TRPM5: variants seen among roughly 807,000 people sequenced by gnomAD.
TRPM5 encodes transient receptor potential cation channel subfamily M member 5.
TRPM5 carries 121 observed loss-of-function variants against 124.9 expected under a neutral mutation model. That is an observed-to-expected ratio of 0.97 (90% CI 0.84 to 1.13). The LOEUF (loss-of-function observed/expected upper bound fraction) is 1.13. TRPM5 is among the 50% of genes most tolerant of loss of function. The pLI is 0.00. For synonymous variants in TRPM5, 781 were observed against 700.5 expected, an observed-to-expected ratio of 1.11 and a Z score of -1.81; for missense variants, 1,643 against 1,589.1, an observed-to-expected ratio of 1.03 and a Z score of -0.58.
At chr11:2,414,954 C>T (rs1440498976) in exon 10 of TRPM5, 2 of 1,607,358 alleles carry the variant, frequency 1.2e-6, no homozygotes, top group African/African-American at 1.3e-5. Context: ...TGCAGCACGG[C>T]CCACAGGAAC....
chr11:2,435,470 C>T, the TRPM5 span, among the ~76,000 whole-genome samples: 2 of 152,078 alleles, frequency 1.3e-5, no homozygotes, highest in Admixed American at 1.3e-4. The surrounding 1 kb of genome is among the most constrained non-coding windows in gnomAD (Gnocchi z 4.1). Flanking sequence ...ACCTGTCATT[C>T]ACCCATGCAC....
upstream of TRPM5, among the ~76,000 whole-genome samples, chr11:2,423,325 C>A (rs1376773417): frequency 1.3e-5 from 2 of 152,226 alleles, no homozygotes; most frequent in Non-Finnish European, 2.9e-5. Context: ...GCTGTCAGCG[C>A]CTGGTTCCTC....
chr11:2,422,089 G>A (rs1166194980), intron 2 of TRPM5, 52 bp downstream of exon 7: 5 of 1,517,322 alleles, frequency 3.3e-6, no homozygotes, highest in South Asian at 2.5e-5. Flanking sequence ...CAGTCAGGGG[G>A]TCGGGCTGCC....
At chr11:2,414,652 G>T (rs942564328) in intron 11 of TRPM5, 63 bp downstream of exon 16, 1 of 1,475,794 alleles carries the variant, frequency 6.8e-7, no homozygotes. Context: ...AGGACCCTTC[G>T]TCCGACCCCT....
At chr11:2,417,403 C>T (rs1222575541) in intron 7 of TRPM5, among the ~76,000 whole-genome samples, 1 of 152,114 alleles carries the variant, frequency 6.6e-6, no homozygotes, top group African/African-American at 2.4e-5. Flanking sequence ...TGCAGTGAGC[C>T]GAGATCGCAG....
chr11:2,429,890 TG>T, the TRPM5 span, among the ~76,000 whole-genome samples: 1 of 152,084 alleles, frequency 6.6e-6, no homozygotes, highest in Non-Finnish European at 1.5e-5. The surrounding 1 kb of genome is among the most constrained non-coding windows in gnomAD (Gnocchi z 8.4). Context: ...CTCATGATAG[TG>T]AGTGAGTTCT....
the TRPM5 span, among the ~76,000 whole-genome samples, chr11:2,433,331 G>A: frequency 5.9e-5 from 9 of 152,268 alleles, no homozygotes; most frequent in Non-Finnish European, 1.0e-4. Flanking sequence ...GGTGCTTGGC[G>A]ATCAGACAGC....
the TRPM5 span, among the ~76,000 whole-genome samples, chr11:2,430,710 TTGG>T: frequency 2.2e-3 from 199 of 91,722 alleles, 2 homozygotes; most frequent in Non-Finnish European, 1.7e-3. Flanking sequence ...GGTGTTGGTG[TTGG>T]TGGTGGTTTT....
At chr11:2,409,089 G>A (rs1475856442) in intron 18 of TRPM5, among the ~76,000 whole-genome samples, 2 of 149,924 alleles carry the variant, frequency 1.3e-5, no homozygotes. Context: ...CCCTCCTAGG[G>A]TGAATTCCTG....
At chr11:2,415,639 C>G (rs980533499) in intron 8 of TRPM5, among the ~76,000 whole-genome samples, 168 bp from the exon 14 acceptor site, 3 of 152,218 alleles carry the variant, frequency 2.0e-5, no homozygotes, top group Admixed American at 1.3e-4. Context: ...TGCATTGGGG[C>G]GGGCACAGAG....
At chr11:2,404,241 G>A (rs1396022281), downstream of TRPM5, among the ~76,000 whole-genome samples, 1 of 152,196 alleles carries the variant, frequency 6.6e-6, no homozygotes, top group African/African-American at 2.4e-5. Flanking sequence ...GCAGTTGGGG[G>A]GCCTGGGCAG....
intron 18 of TRPM5, among the ~76,000 whole-genome samples, chr11:2,410,374 G>C: frequency 6.6e-6 from 1 of 152,136 alleles, no homozygotes; most frequent in East Asian, 1.9e-4. Context: ...TGGGCAGCAC[G>C]TTGTGCCATG....
chr11:2,418,443 C>T, intron 5 of TRPM5, 84 bp downstream of exon 10: 1 of 1,438,132 alleles, frequency 7.0e-7, no homozygotes. Flanking sequence ...CCCATCCCTT[C>T]AGCCCTGTCC....
At chr11:2,417,938 T>G in intron 6 of TRPM5, 109 bp from the exon 12 acceptor site, 1 of 1,157,078 alleles carries the variant, frequency 8.6e-7, no homozygotes, top group Non-Finnish European at 1.2e-6. Flanking sequence ...AGGTGAGCCT[T>G]GCAGCCTGCA....
intron 7 of TRPM5, 108 bp downstream of exon 12, chr11:2,417,619 G>A (rs1422385382): frequency 3.8e-6 from 3 of 790,720 alleles, no homozygotes; most frequent in Non-Finnish European, 6.2e-6. Context: ...CTGGGAAGGG[G>A]CAGGCGGCCG....
chr11:2,411,323 G>A (rs368760275), intron 18 of TRPM5, 29 bp downstream of exon 23: 2 of 1,530,306 alleles, frequency 1.3e-6, no homozygotes, highest in African/African-American at 1.4e-5. Context: ...ATTTCTCCCT[G>A]CCCCTGCCCC....
chr11:2,408,937 A>G (rs543002583), intron 18 of TRPM5, among the ~76,000 whole-genome samples: 1 of 152,294 alleles, frequency 6.6e-6, no homozygotes, highest in South Asian at 2.1e-4. Context: ...TCTGCGTGTG[A>G]GCACACTGGC....
chr11:2,418,069 A>G, intron 6 of TRPM5, 98 bp downstream of exon 11: 2 of 1,180,794 alleles, frequency 1.7e-6, no homozygotes, highest in South Asian at 1.5e-5. Context: ...CTGAGGTGGG[A>G]GGAGTGGGCT....
At chr11:2,430,052 CA>C in the TRPM5 span, among the ~76,000 whole-genome samples, 1 of 151,500 alleles carries the variant, frequency 6.6e-6, no homozygotes, top group African/African-American at 2.4e-5. Flanking sequence ...CCTGGACACC[CA>C]AAAAAACTGC....
Sources: allele counts gnomAD v4.1 joint callset (sites outside exome capture counted in the v4.1 genomes callset), GRCh38; gene constraint gnomAD v4.1.1; non-coding constraint Gnocchi (gnomAD v3.1); transcripts MANE v1.5; gene names NCBI Gene and HGNC (gene_info 2026-07-23, HGNC 2026-07-21).